Variants in CSMD3 observed in about 807,000 individuals in gnomAD.
The protein encoded by CSMD3 is CUB and Sushi multiple domains 3.
CSMD3 carries 177 observed loss-of-function variants against 435.2 expected under a neutral mutation model. The ratio of observed to expected loss-of-function variants is 0.41; its 90% CI spans 0.36 to 0.46. CSMD3 has a LOEUF of 0.46. Among genes scored for constraint, CSMD3 ranks in the 20% least tolerant of loss-of-function variants. The pLI, the probability that CSMD3 is intolerant of heterozygous loss-of-function variation, is 0.34. For missense variants in CSMD3, 4,265 were observed against 4,504.6 expected, an observed-to-expected ratio of 0.95 and a Z score of 1.52; for synonymous variants, 1,656 against 1,520.5, an observed-to-expected ratio of 1.09 and a Z score of -2.07.
In CSMD3 at chr8:112,409,183, A is replaced by G. The variant is rs1377738113; in HGVS notation, c.5396-151T>C. 2.3e-5 allele frequency: 32 copies of G among 1,378,280 alleles called. No homozygotes were observed. The East Asian group carries it at 4.7e-4, about 20-fold the overall frequency. The allele number at this position is 1,378,280 out of a possible 1,614,324, so 85.4% of individuals were successfully genotyped here. On this transcript the variant is annotated intron_variant, in intron 32 of 70. Transcript: ENST00000297405. ...TCTACCTAAAAGAGGATAGGTGCCA[A>G]TTGGTTGATATTACTGACACATGTA... is the stretch of plus-strand genomic sequence containing the variant.
intron 4 of CSMD3, among the ~76,000 whole-genome samples, chr8:113,104,960 TGA>T (rs2090431274): frequency 6.6e-6 from 1 of 152,040 alleles, no homozygotes; most frequent in Admixed American, 6.6e-5. Flanking sequence ...GTTGAGAAAA[TGA>T]GAGACAGTTA....
intron 10 of CSMD3, among the ~76,000 whole-genome samples, chr8:112,898,445 A>G (rs2082012330): frequency 6.6e-6 from 1 of 151,294 alleles, no homozygotes; most frequent in South Asian, 2.1e-4. Context: ...GACTTTTGTT[A>G]GATATTAGTA....
rs138211025 is a variant in CSMD3, at chr8:112,631,598, A to G, written c.3715+5219T>C. On this transcript the variant is annotated intron_variant, in intron 22 of 70. Coordinates refer to ENST00000297405, the MANE Select transcript of CSMD3 (RefSeq NM_198123.2). ...TTTTCTAAACTGCTAAAAAGGAATA[A>G]CACCTCCTCTGCTTACTTCATAAGG... 5.7e-4 allele frequency among the ~76,000 whole-genome samples: 87 copies of G among 152,184 alleles called. 1 individual carries two copies. Among genetic ancestry groups the G allele is most frequent in the African/African-American group, 2.1e-3 (86 of 41,556 alleles).
intron 1 of CSMD3, among the ~76,000 whole-genome samples, chr8:113,323,083 T>G (rs762735080): frequency 6.6e-6 from 1 of 152,148 alleles, no homozygotes; most frequent in Non-Finnish European, 1.5e-5. Context: ...AGATGAGTGC[T>G]TTTGACCATC....
chr8:113,321,722 C>T (rs945739481), intron 1 of CSMD3, among the ~76,000 whole-genome samples: 1 of 152,188 alleles, frequency 6.6e-6, no homozygotes, highest in Non-Finnish European at 1.5e-5. Context: ...ACTCTCCAAA[C>T]TTCCACATTG....
At chr8:113,172,303 T>C (rs971559977) in intron 4 of CSMD3, among the ~76,000 whole-genome samples, 3 of 152,208 alleles carry the variant, frequency 2.0e-5, no homozygotes, top group South Asian at 2.1e-4. Context: ...TTTCCTATTA[T>C]AGTGAAATTT....
intron 27 of CSMD3, among the ~76,000 whole-genome samples, chr8:112,537,707 C>T (rs574171230): frequency 7.9e-5 from 12 of 151,316 alleles, no homozygotes; most frequent in Non-Finnish European, 8.9e-5. Flanking sequence ...AGACCAATAA[C>T]AAGTAATGAG....
chr8:112,273,466 C>G (rs1817715008), intron 59 of CSMD3, among the ~76,000 whole-genome samples: 1 of 152,054 alleles, frequency 6.6e-6, no homozygotes, highest in Non-Finnish European at 1.5e-5. Flanking sequence ...TGGCTCACAC[C>G]TGTAATCCCA....
chr8:112,494,958 A>C (rs1193571124), intron 30 of CSMD3, among the ~76,000 whole-genome samples: 1 of 152,034 alleles, frequency 6.6e-6, no homozygotes, highest in Non-Finnish European at 1.5e-5. Context: ...ACTTACACAA[A>C]ATTTGCACTC....
chr8:112,603,695 A>T (rs1424008192), intron 22 of CSMD3, among the ~76,000 whole-genome samples: 2 of 152,198 alleles, frequency 1.3e-5, no homozygotes, highest in Non-Finnish European at 2.9e-5. Flanking sequence ...CATTCATGAC[A>T]TATCTAAGTT....
intron 32 of CSMD3, among the ~76,000 whole-genome samples, chr8:112,424,208 C>A (rs1458466188): frequency 6.6e-6 from 1 of 152,042 alleles, no homozygotes; most frequent in South Asian, 2.1e-4. Context: ...CCCAGATCGA[C>A]GGCCAATAGA....
chr8:113,250,651 G>A (rs2132296670), intron 3 of CSMD3, among the ~76,000 whole-genome samples: 1 of 152,210 alleles, frequency 6.6e-6, no homozygotes, highest in Non-Finnish European at 1.5e-5. Context: ...TCTTGTGTCT[G>A]ATGGATTAAA....
At chr8:112,652,236 A>G (rs1388235613) in intron 18 of CSMD3, among the ~76,000 whole-genome samples, 1 of 152,142 alleles carries the variant, frequency 6.6e-6, no homozygotes, top group Non-Finnish European at 1.5e-5. Flanking sequence ...CATTAGTTTT[A>G]GGCTTTGTCT....
At chr8:112,627,045 G>C (rs1362401770) in intron 22 of CSMD3, among the ~76,000 whole-genome samples, 2 of 151,756 alleles carry the variant, frequency 1.3e-5, no homozygotes, top group Non-Finnish European at 2.9e-5. Context: ...TATTACCTCA[G>C]GTAAAATATT....
intron 35 of CSMD3, among the ~76,000 whole-genome samples, chr8:112,394,193 A>C (rs1830680663): frequency 6.6e-6 from 1 of 152,120 alleles, no homozygotes; most frequent in East Asian, 1.9e-4. Flanking sequence ...TCTTGCAGTC[A>C]AGTTTACATT....
chr8:112,919,983 GAGA>G (rs2082686689), intron 10 of CSMD3, among the ~76,000 whole-genome samples: 2 of 151,734 alleles, frequency 1.3e-5, no homozygotes, highest in Non-Finnish European at 2.9e-5. Context: ...ACTATTTAAA[GAGA>G]AGAAGAGCTA....
intron 9 of CSMD3, among the ~76,000 whole-genome samples, chr8:112,926,531 CCTT>C (rs1366892547): frequency 2.0e-5 from 3 of 152,084 alleles, no homozygotes; most frequent in African/African-American, 7.2e-5. Flanking sequence ...CTAGAGTTGA[CCTT>C]CTCATGATTA....
At position 112,406,564 on chromosome 8, in the gene CSMD3, A is replaced by T. The variant is rs763266423; in HGVS notation, c.5769T>A (p.Asn1923Lys). Residue 1923 changes from asparagine to lysine, a missense_variant, in exon 35 of 71, where the codon AAT becomes AAA. Asn to Lys is a moderately conservative substitution (Grantham distance 94). This residue lies in a region of CSMD3 where 3,255 missense variants were observed against 3,380.2 expected (regional missense o/e 0.96). Transcript: ENST00000297405. ...AGGAATCATTCCACTGGGCCAAAGA[A>T]TTGGGCACTGTTTCACACCTAATTG... ...SIAIRCETVPNSLAQWNDSLP... is the reference protein window; with the variant it reads ...SIAIRCETVPKSLAQWNDSLP... 16 of 1,612,338 alleles carry T rather than the reference A, an allele frequency of 9.9e-6. No homozygotes were observed. The South Asian group carries it at 1.2e-4, about 12-fold the overall frequency.
At chr8:112,766,844 T>A (rs540032667) in intron 13 of CSMD3, among the ~76,000 whole-genome samples, 1 of 151,924 alleles carries the variant, frequency 6.6e-6, no homozygotes, top group African/African-American at 2.4e-5. Flanking sequence ...CATTAAGAAC[T>A]CTGGAATTAG....
Sources: gnomAD v4.1 joint callset for allele counts (sites outside exome capture counted in the v4.1 genomes callset) on GRCh38, gnomAD v4.1.1 for gene constraint, gnomAD v4.1.1 regional missense constraint, MANE v1.5 for transcripts, NCBI Gene and HGNC (gene_info 2026-07-23, HGNC 2026-07-21) for gene names.